KCND3: variants seen among roughly 807,000 people sequenced by gnomAD.
KCND3 encodes A-type voltage-gated potassium channel KCND3.
Under a neutral mutation model 51.1 loss-of-function variants are expected in KCND3, and 9 were observed. The observed-to-expected ratio is 0.18, with a 90% CI of 0.11 to 0.31. KCND3 has a LOEUF of 0.31. Among genes scored for constraint, KCND3 ranks in the 10% least tolerant of loss-of-function variants. The pLI, the probability that KCND3 is intolerant of heterozygous loss-of-function variation, is 1.00. For synonymous variants in KCND3, 349 were observed against 368.0 expected (o/e 0.95, Z 0.59); for missense variants, 526 against 903.8 (o/e 0.58, Z 5.36).
At chr1:111,899,942 C>T (rs1406685942) in intron 2 of KCND3, among the ~76,000 whole-genome samples, 1 of 152,152 alleles carries the variant, frequency 6.6e-6, no homozygotes. Flanking sequence ...CTCTCTGCAA[C>T]ATGACCCAGA....
chr1:111,778,851 C>T (rs1191501682), intron 5 of KCND3, among the ~76,000 whole-genome samples: 2 of 152,276 alleles, frequency 1.3e-5, no homozygotes, highest in African/African-American at 2.4e-5. Flanking sequence ...AGCATTCCAT[C>T]CCTTCAATGC....
At chr1:111,805,114 C>T (rs560020004) in intron 2 of KCND3, among the ~76,000 whole-genome samples, 7 of 152,202 alleles carry the variant, frequency 4.6e-5, no homozygotes, top group African/African-American at 1.4e-4. Context: ...GAGGAAAGGG[C>T]GGCCTAAGCT....
At chr1:111,793,716 G>A (rs1664940041) in intron 2 of KCND3, among the ~76,000 whole-genome samples, 1 of 152,160 alleles carries the variant, frequency 6.6e-6, no homozygotes, top group African/African-American at 2.4e-5. Flanking sequence ...GCAGAAGACT[G>A]AAGTAGGGGA....
chr1:111,834,018 G>A (rs1666967977), intron 2 of KCND3, among the ~76,000 whole-genome samples: 2 of 152,296 alleles, frequency 1.3e-5, no homozygotes, highest in Admixed American at 1.3e-4. Flanking sequence ...GAAAATCCTT[G>A]ATAAGCTGGG....
At chr1:111,784,142 C>T (rs538285406) in intron 3 of KCND3, among the ~76,000 whole-genome samples, 1 of 150,552 alleles carries the variant, frequency 6.6e-6, no homozygotes, top group East Asian at 1.9e-4. Context: ...CACACACACA[C>T]ACCAGTCCAA....
intron 2 of KCND3, among the ~76,000 whole-genome samples, chr1:111,798,083 C>T (rs1665135045): frequency 6.6e-6 from 1 of 152,214 alleles, no homozygotes; most frequent in Non-Finnish European, 1.5e-5. Flanking sequence ...GTAACTGACT[C>T]ACTGTGAGGG....
chr1:111,988,498 C>CT (rs1286073559), intron 1 of KCND3, among the ~76,000 whole-genome samples: 1 of 152,164 alleles, frequency 6.6e-6, no homozygotes, highest in African/African-American at 2.4e-5. Flanking sequence ...CATCAGTTCC[C>CT]TTCCTGTGTG....
intron 2 of KCND3, among the ~76,000 whole-genome samples, chr1:111,940,016 G>A (rs1026760193): frequency 6.8e-5 from 10 of 148,112 alleles, no homozygotes; most frequent in Admixed American, 1.4e-4. Flanking sequence ...TTTGTTGGCC[G>A]AATAAATATC....
In KCND3 at chr1:111,771,146, T is replaced by G. The variant is rs535426165; in HGVS notation, c.*4931A>C. ...CATCCAGTGTAGTTGAGTAACCTGCTAAGATAAATGTCATTCCCACACTTG... is the reference window on the plus strand; with the variant it reads ...CATCCAGTGTAGTTGAGTAACCTGCGAAGATAAATGTCATTCCCACACTTG... On this transcript the variant is annotated 3_prime_UTR_variant, in exon 8 of 8. Coordinates refer to ENST00000302127, the MANE Select transcript of KCND3 (RefSeq NM_001378969.1). 1 of 152,312 alleles carries G rather than the reference T, an allele frequency of 6.6e-6. No homozygotes were observed. Among genetic ancestry groups the G allele is most frequent in the African/African-American group, 2.4e-5 (1 of 41,566 alleles). The allele number at this position is 152,312 out of a possible 1,614,324, so 9.4% of individuals were successfully genotyped here. A position where few individuals can be genotyped will look rare whatever the true frequency, so the allele number is the denominator to read the frequency against.
intron 2 of KCND3, among the ~76,000 whole-genome samples, chr1:111,819,682 G>A (rs563656405): frequency 1.3e-5 from 2 of 152,238 alleles, no homozygotes; most frequent in African/African-American, 4.8e-5. Context: ...CCTGCAAGAC[G>A]CCCTGTGAAA....
chr1:111,794,483 T>C (rs532194451), intron 2 of KCND3, among the ~76,000 whole-genome samples: 11 of 152,204 alleles, frequency 7.2e-5, no homozygotes, highest in Non-Finnish European at 1.3e-4. Flanking sequence ...TCTGCAAGGA[T>C]GATGTCTCAG....
chr1:111,833,136 C>A (rs887875012), intron 2 of KCND3, among the ~76,000 whole-genome samples: 2 of 152,250 alleles, frequency 1.3e-5, no homozygotes, highest in African/African-American at 4.8e-5. Flanking sequence ...GTTTTGACAT[C>A]TCTGTGCTTT....
rs1264702750 is a variant in KCND3, at chr1:111,774,411, ACTAACCCT to A, written c.*1658_*1665del. Reference sequence around the variant, plus strand: ...TGGGAAGGGCAGGAAAGGACTTGTCACTAACCCTGAGGCCCACCTACTCTGCTACAAGC... The same window carrying A: ...TGGGAAGGGCAGGAAAGGACTTGTCAGAGGCCCACCTACTCTGCTACAAGC... On this transcript the variant is annotated 3_prime_UTR_variant, in exon 8 of 8. Coordinates refer to ENST00000302127, the MANE Select transcript of KCND3 (RefSeq NM_001378969.1). 3.9e-5 allele frequency: 6 copies of A among 152,284 alleles called. No individual in the cohort carries two copies. The highest frequency in any genetic ancestry group is 1.4e-4 in the African/African-American group (6 of 41,450). The allele number at this position is 152,284 out of a possible 1,614,324, so 9.4% of individuals were successfully genotyped here.
At chr1:111,831,994 C>G (rs1158273028) in intron 2 of KCND3, among the ~76,000 whole-genome samples, 1 of 152,170 alleles carries the variant, frequency 6.6e-6, no homozygotes. Context: ...TTATGGAAGC[C>G]CACTGAACTG....
At chr1:111,797,957 G>C (rs576412333) in intron 2 of KCND3, among the ~76,000 whole-genome samples, 4 of 152,342 alleles carry the variant, frequency 2.6e-5, no homozygotes, top group African/African-American at 9.6e-5. Context: ...CCAGTTAGCA[G>C]GCTACTGCAT....
intron 2 of KCND3, among the ~76,000 whole-genome samples, chr1:111,877,267 A>G (rs1271184344): frequency 2.0e-5 from 3 of 152,364 alleles, no homozygotes; most frequent in Middle Eastern, 3.4e-3. Flanking sequence ...TGAAGCGTCA[A>G]TGATCTACAG....
chr1:111,811,012 G>GAC (rs761388770), intron 2 of KCND3, among the ~76,000 whole-genome samples: 3 of 152,160 alleles, frequency 2.0e-5, no homozygotes, highest in East Asian at 1.9e-4. Context: ...CAGGAAGGCT[G>GAC]ACACACACAC....
At chr1:111,906,410 C>T (rs1670652561) in intron 2 of KCND3, among the ~76,000 whole-genome samples, 1 of 152,196 alleles carries the variant, frequency 6.6e-6, no homozygotes, top group Non-Finnish European at 1.5e-5. Flanking sequence ...CTGTCCAGAC[C>T]ATTCCAGAAG....
At chr1:111,921,860 T>C (rs184708199) in intron 2 of KCND3, among the ~76,000 whole-genome samples, 3 of 152,260 alleles carry the variant, frequency 2.0e-5, no homozygotes, top group Non-Finnish European at 4.4e-5. Flanking sequence ...TTTCTAAAAC[T>C]GTTAGGAAGA....
Sources: gnomAD v4.1 joint callset for allele counts (sites outside exome capture counted in the v4.1 genomes callset) on GRCh38, gnomAD v4.1.1 for gene constraint, MANE v1.5 for transcripts, NCBI Gene and HGNC (gene_info 2026-07-23, HGNC 2026-07-21) for gene names.